FUT8: variants seen among roughly 807,000 people sequenced by gnomAD.
FUT8 encodes the protein alpha-(1,6)-fucosyltransferase.
A neutral mutation model predicts 71.3 loss-of-function variants in FUT8; 29 were observed. That is an observed-to-expected ratio of 0.41 (90% CI 0.30 to 0.55). The LOEUF is 0.55. Ranked by LOEUF, FUT8 falls within the 20% of genes least tolerant of loss-of-function variation. FUT8 has a pLI of 0.34. For synonymous variants in FUT8, 254 were observed against 239.3 expected, an observed-to-expected ratio of 1.06 and a Z score of -0.57; for missense variants, 544 against 702.1, an observed-to-expected ratio of 0.77 and a Z score of 2.55.
At chr14:65,446,786 CCTCT>C (rs1396940433) in intron 1 of FUT8, among the ~76,000 whole-genome samples, 1 of 150,964 alleles carries the variant, frequency 6.6e-6, no homozygotes, top group Non-Finnish European at 1.5e-5. Context: ...TGCCCCTCAC[CCTCT>C]CTCTCTTTTT....
intron 3 of FUT8, among the ~76,000 whole-genome samples, chr14:65,614,163 T>G (rs1889160448): frequency 1.3e-5 from 2 of 150,506 alleles, no homozygotes. Flanking sequence ...TTCTGCCAAC[T>G]ATAATTTAAA....
chr14:65,585,308 T>TC (rs1887322777), intron 3 of FUT8, among the ~76,000 whole-genome samples: 1 of 152,140 alleles, frequency 6.6e-6, no homozygotes, highest in African/African-American at 2.4e-5. Flanking sequence ...CACCTCAGCC[T>TC]CCCAAGCAGC....
chr14:65,731,928 C>CT (rs1196965547), intron 9 of FUT8, among the ~76,000 whole-genome samples: 1 of 152,204 alleles, frequency 6.6e-6, no homozygotes, highest in African/African-American at 2.4e-5. Context: ...CAAAGTTAGT[C>CT]TTTATTCAAG....
chr14:65,433,786 TTCTC>T (rs71126744), intron 1 of FUT8, among the ~76,000 whole-genome samples: 7,064 of 144,886 alleles, frequency 0.049, 210 homozygotes, highest in South Asian at 0.09. Flanking sequence ...CTTCTGTCTC[TTCTC>T]TCTCTCTCTC....
intron 7 of FUT8, among the ~76,000 whole-genome samples, chr14:65,694,490 G>A (rs1893881949): frequency 6.6e-6 from 1 of 152,040 alleles, no homozygotes; most frequent in Non-Finnish European, 1.5e-5. Flanking sequence ...AGCATACTTT[G>A]TATGATATCT....
rs1285316052 is a variant in FUT8 at position 65,742,629 on chromosome 14, C to G, written c.*219C>G. 1 of 510,734 alleles carries G rather than the reference C, an allele frequency of 2.0e-6. No individual in the cohort carries two copies. Among genetic ancestry groups the G allele is most frequent in the Non-Finnish European group, 3.5e-6 (1 of 285,952 alleles). The allele number at this position is 510,734 out of a possible 1,614,324, so 31.6% of individuals were successfully genotyped here. ...AATGCCCTCATACCCATGCACAGTA[C>G]AATAATGTACTCACATATAACATGC... On this transcript the variant is annotated 3_prime_UTR_variant, in exon 11 of 11. Transcript: ENST00000673929.
At chr14:65,731,779 G>A (rs868195564) in intron 9 of FUT8, among the ~76,000 whole-genome samples, 1 of 152,160 alleles carries the variant, frequency 6.6e-6, no homozygotes, top group Non-Finnish European at 1.5e-5. Flanking sequence ...ATAGGGATGA[G>A]CCACCGCACC....
chr14:65,462,207 T>G (rs992025575), intron 2 of FUT8, among the ~76,000 whole-genome samples: 12 of 152,244 alleles, frequency 7.9e-5, no homozygotes, highest in Non-Finnish European at 2.9e-5. Context: ...GCTAATCAGA[T>G]AGGCTCTAAC....
intron 2 of FUT8, among the ~76,000 whole-genome samples, chr14:65,486,051 C>A (rs2066405327): frequency 6.6e-6 from 1 of 152,074 alleles, no homozygotes; most frequent in South Asian, 2.1e-4. Flanking sequence ...ATTTTTAACC[C>A]CATTATTTTC....
At chr14:65,630,098 A>G (rs143311378) in intron 6 of FUT8, among the ~76,000 whole-genome samples, 314 of 152,276 alleles carry the variant, frequency 2.1e-3, no homozygotes, top group Admixed American at 3.4e-3. Flanking sequence ...AGGAACCCAT[A>G]TGATAAGTGT....
intron 1 of FUT8, among the ~76,000 whole-genome samples, chr14:65,445,011 C>A (rs183638051): frequency 6.6e-6 from 1 of 152,022 alleles, no homozygotes; most frequent in African/African-American, 2.4e-5. Flanking sequence ...CAAGATCAAC[C>A]AGGCCAAGAT....
In FUT8 at chr14:65,536,439, G is replaced by A. The variant is rs570464459; in HGVS notation, c.-227-24898G>A. Among the ~76,000 whole-genome samples, 8 of 152,238 alleles carry A rather than the reference G, an allele frequency of 5.3e-5. No individual in the cohort carries two copies. In the Middle Eastern group the frequency reaches 0.01, roughly 194 times the overall value. On this transcript the variant is annotated intron_variant, in intron 2 of 10. Coordinates refer to ENST00000673929, the MANE Select transcript of FUT8 (RefSeq NM_001371533.1). ...TGCTTCTTTAAGGGGCTCTTGTAAG[G>A]CAAGTCTGGTGGTAATGAATTCCCT...
chr14:65,669,151 T>C lies in FUT8; in HGVS notation c.598-92T>C, dbSNP rs1892356013. 3 of 892,492 alleles carry C rather than the reference T, an allele frequency of 3.4e-6. No individual in the cohort carries two copies. Among genetic ancestry groups the C allele is most frequent in the African/African-American group, 3.4e-5 (2 of 59,134 alleles). The allele number at this position is 892,492 out of a possible 1,614,324, so 55.3% of individuals were successfully genotyped here. A position where few individuals can be genotyped will look rare whatever the true frequency, so the allele number is the denominator to read the frequency against. On this transcript the variant is annotated intron_variant, in intron 6 of 10. Coordinates refer to ENST00000673929, the MANE Select transcript of FUT8 (RefSeq NM_001371533.1). The surrounding 1 kb of genome is among the most constrained non-coding windows in gnomAD (Gnocchi z 4.5). Reference sequence around the variant, plus strand: ...TATCTATAGAACAAACCTGCATGTGTACCCCTGAAGATGAAAGATTAAAAA... The same window carrying C: ...TATCTATAGAACAAACCTGCATGTGCACCCCTGAAGATGAAAGATTAAAAA...
chr14:65,622,341 C>G (rs10162357), intron 5 of FUT8, among the ~76,000 whole-genome samples: 1,583 of 152,238 alleles, frequency 0.01, 29 homozygotes, highest in African/African-American at 0.037. Context: ...AATACTTTAC[C>G]TAGTGCGTGA....
intron 6 of FUT8, among the ~76,000 whole-genome samples, chr14:65,635,737 A>G (rs2140283908): frequency 6.6e-6 from 1 of 152,240 alleles, no homozygotes; most frequent in East Asian, 1.9e-4. Flanking sequence ...TTGGCTAGCT[A>G]GTATTTTGTT....
In FUT8 at chr14:65,493,880, G is replaced by A. The variant is rs1237764249; in HGVS notation, c.-228+38162G>A. Among the ~76,000 whole-genome samples, 3 of 152,114 alleles carry A rather than the reference G, an allele frequency of 2.0e-5. No homozygotes were observed. The East Asian group carries it at 5.8e-4, about 29-fold the overall frequency. On this transcript the variant is annotated intron_variant, in intron 2 of 10. Coordinates refer to ENST00000673929, the MANE Select transcript of FUT8 (RefSeq NM_001371533.1). ...TGGTAATTTGGGTGGAAGTGGGGAG[G>A]AGGTGAATAAAATTTATTCAATATT...
rs574636294 is a variant in FUT8, at chr14:65,522,424, A to G, written c.-227-38913A>G. Among the ~76,000 whole-genome samples the G allele has an allele frequency of 7.7e-4, 117 of 152,230 alleles. No homozygotes were observed. The South Asian group carries it at 0.015, about 19-fold the overall frequency. ...GAAATTAGGTGTTCTTGGGTTCTAT[A>G]AAAATTTAATTCTTAAGGTTATTTG... On this transcript the variant is annotated intron_variant, in intron 2 of 10. Coordinates refer to ENST00000673929, the MANE Select transcript of FUT8 (RefSeq NM_001371533.1).
chr14:65,508,945 A>C (rs999718499), intron 2 of FUT8, among the ~76,000 whole-genome samples: 27 of 152,158 alleles, frequency 1.8e-4, no homozygotes, highest in African/African-American at 6.5e-4. Flanking sequence ...CCGTTTGTCC[A>C]GTTTTGCTTT....
At chr14:65,520,264 T>C (rs1232854101) in intron 2 of FUT8, among the ~76,000 whole-genome samples, 2 of 152,160 alleles carry the variant, frequency 1.3e-5, no homozygotes, top group African/African-American at 2.4e-5. Flanking sequence ...TTTTTAAGTT[T>C]TTTTGTATAC....
Sources: gnomAD v4.1 joint callset for allele counts (sites outside exome capture counted in the v4.1 genomes callset) on GRCh38, gnomAD v4.1.1 for gene constraint, Gnocchi (gnomAD v3.1) non-coding constraint, MANE v1.5 for transcripts, NCBI Gene and HGNC (gene_info 2026-07-23, HGNC 2026-07-21) for gene names.